Variants in MYO1E observed in about 807,000 individuals in gnomAD.
The protein encoded by MYO1E is myosin IE.
In MYO1E, 68 loss-of-function variants were observed where a neutral mutation model predicts 151.1. The ratio of observed to expected loss-of-function variants is 0.45; its 90% confidence interval spans 0.37 to 0.55. The LOEUF is 0.55. MYO1E is among the 20% of genes least tolerant of loss of function. MYO1E has a pLI of 0.00. For missense variants in MYO1E, 1,363 were observed against 1,389.3 expected (o/e 0.98, Z 0.30); for synonymous variants, 601 against 501.7 (o/e 1.20, Z -2.64).
intron 9 of MYO1E, among the ~76,000 whole-genome samples, chr15:59,221,038 A>T (rs185504891): frequency 6.9e-6 from 1 of 145,078 alleles, no homozygotes; most frequent in African/African-American, 2.5e-5. Context: ...TATATATATT[A>T]TATATATATA....
At position 59,229,847 on chromosome 15, in the gene MYO1E, AG is replaced by A. The variant is rs2080015729; in HGVS notation, c.510+1854del. 3.9e-5 allele frequency among the ~76,000 whole-genome samples: 6 copies of A among 152,072 alleles called. No individual in the cohort carries two copies. In the South Asian group the frequency reaches 1.2e-3, roughly 32 times the overall value. ...TCAAACTTTGATTTACATACCTCTT[AG>A]TTACCTTTCATATAATGTGCACATT... On this transcript the variant is annotated intron_variant, in intron 6 of 27. Coordinates refer to ENST00000288235, the MANE Select transcript of MYO1E (RefSeq NM_004998.4).
At chr15:59,230,214 C>CTCTGTG in intron 6 of MYO1E, among the ~76,000 whole-genome samples, 1 of 45,972 alleles carries the variant, frequency 2.2e-5, no homozygotes, top group Admixed American at 3.8e-4. Context: ...GAGAGAGAGA[C>CTCTGTG]AGTGTGTGTT....
chr15:59,154,604 T>C (rs1363238922), intron 25 of MYO1E, among the ~76,000 whole-genome samples: 1 of 152,188 alleles, frequency 6.6e-6, no homozygotes, highest in Non-Finnish European at 1.5e-5. Context: ...TAAAGACCTC[T>C]TCCAACCAAA....
intron 1 of MYO1E, among the ~76,000 whole-genome samples, chr15:59,359,186 G>A (rs984210973): frequency 2.0e-5 from 3 of 151,572 alleles, no homozygotes; most frequent in African/African-American, 4.9e-5. Context: ...AGCATTTTGG[G>A]CCACCAAGGC....
At chr15:59,362,965 A>G (rs1381743526) in intron 1 of MYO1E, among the ~76,000 whole-genome samples, 2 of 146,492 alleles carry the variant, frequency 1.4e-5, no homozygotes, top group Non-Finnish European at 3.0e-5. Context: ...AGAGCCTTCT[A>G]GTATGACTTT....
chr15:59,183,227 G>T, intron 18 of MYO1E, among the ~76,000 whole-genome samples: 1 of 152,272 alleles, frequency 6.6e-6, no homozygotes, highest in African/African-American at 2.4e-5. Context: ...ATTGTTTATG[G>T]AAGTCAGTTT....
chr15:59,216,165 G>A (rs1329805181), intron 10 of MYO1E, among the ~76,000 whole-genome samples: 1 of 152,126 alleles, frequency 6.6e-6, no homozygotes, highest in Admixed American at 6.5e-5. Context: ...GGCCCCCACT[G>A]TTGTCCCTTG....
intron 16 of MYO1E, 71 bp downstream of exon 16, chr15:59,202,255 G>A: frequency 7.5e-7 from 1 of 1,334,434 alleles, no homozygotes; most frequent in African/African-American, 1.4e-5. Flanking sequence ...CTGGCCCAGG[G>A]GTGCAGTTCC....
chr15:59,219,611 C>T (rs1385156420), intron 9 of MYO1E, among the ~76,000 whole-genome samples: 8 of 152,172 alleles, frequency 5.3e-5, no homozygotes, highest in African/African-American at 1.9e-4. Flanking sequence ...GAGTGTTTCA[C>T]AAAAATGCTT....
At chr15:59,339,508 C>G (rs954561136) in intron 1 of MYO1E, among the ~76,000 whole-genome samples, 1 of 152,210 alleles carries the variant, frequency 6.6e-6, no homozygotes, top group Non-Finnish European at 1.5e-5. Context: ...CTATTGACTG[C>G]CTTCATCCAG....
chr15:59,147,289 C>G (rs2079446858), intron 26 of MYO1E, among the ~76,000 whole-genome samples: 1 of 152,108 alleles, frequency 6.6e-6, no homozygotes, highest in Non-Finnish European at 1.5e-5. Context: ...GACTGCAGCT[C>G]AGATGTTTAG....
chr15:59,210,590 A>G lies in MYO1E; in HGVS notation c.1286T>C (p.Val429Ala), dbSNP rs1291434734. 1.3e-6 allele frequency: 2 copies of G among 1,597,028 alleles called. No individual in the cohort carries two copies. Reference sequence around the variant, plus strand: ...GGGTGTCCATCTTATTCCCTCTTGAACATATTCTTCCTGTAACACAGAGAC... The same window carrying G: ...GGGTGTCCATCTTATTCCCTCTTGAGCATATTCTTCCTGTAACACAGAGAC... ...LTLKAEQEEY[V>A]QEGIRWTPIE... The change falls in exon 13 of 28, where the codon GTT becomes GCT. Residue 429 changes from valine to alanine, a missense_variant. Coordinates refer to ENST00000288235, the MANE Select transcript of MYO1E (RefSeq NM_004998.4).
At chr15:59,176,870 G>C (rs1033630419) in intron 19 of MYO1E, among the ~76,000 whole-genome samples, 4 of 152,144 alleles carry the variant, frequency 2.6e-5, no homozygotes, top group Admixed American at 2.0e-4. Flanking sequence ...GTGAGTGCAT[G>C]TGTCAAAGAT....
chr15:59,295,716 T>C (rs1264045392), intron 1 of MYO1E, among the ~76,000 whole-genome samples: 1 of 152,124 alleles, frequency 6.6e-6, no homozygotes, highest in Non-Finnish European at 1.5e-5. Context: ...GCAGGTATAA[T>C]TATCTCGGTG....
At chr15:59,235,622 A>G (rs890234273) in intron 5 of MYO1E, among the ~76,000 whole-genome samples, 7 of 152,234 alleles carry the variant, frequency 4.6e-5, no homozygotes, top group Admixed American at 1.3e-4. Context: ...CATTACCAAA[A>G]TTGACAGAAA....
chr15:59,163,361 G>GTT, intron 22 of MYO1E, 58 bp from the exon 23 acceptor site: 62 of 1,392,714 alleles, frequency 4.5e-5, no homozygotes, highest in Admixed American at 6.3e-5. Context: ...TTACTCTATT[G>GTT]TTTTTTTTTT....
intron 17 of MYO1E, among the ~76,000 whole-genome samples, chr15:59,191,361 AG>A (rs1422691499): frequency 6.0e-5 from 9 of 150,824 alleles, no homozygotes; most frequent in African/African-American, 2.2e-4. Flanking sequence ...AGAGAGAGAG[AG>A]AGAGAGAAAG....
At chr15:59,202,070 A>G (rs563649329) in intron 16 of MYO1E, among the ~76,000 whole-genome samples, 1 of 152,352 alleles carries the variant, frequency 6.6e-6, no homozygotes, top group Non-Finnish European at 1.5e-5. Flanking sequence ...ATTTCCTCTT[A>G]GAAAGTAGCT....
At chr15:59,339,689 A>G (rs900038843) in intron 1 of MYO1E, among the ~76,000 whole-genome samples, 1 of 152,190 alleles carries the variant, frequency 6.6e-6, no homozygotes, top group Admixed American at 6.5e-5. Context: ...TCTCCCTACT[A>G]AGAATTTTAA....
Sources: gnomAD v4.1 joint callset for allele counts (sites outside exome capture counted in the v4.1 genomes callset) on GRCh38, gnomAD v4.1.1 for gene constraint, MANE v1.5 for transcripts, NCBI Gene and HGNC (gene_info 2026-07-23, HGNC 2026-07-21) for gene names.